Variants in SCN10A observed in about 807,000 individuals in gnomAD.
SCN10A encodes the protein sodium channel protein type 10 subunit alpha.
Under a neutral mutation model 170.7 loss-of-function variants are expected in SCN10A, and 162 were observed. The observed-to-expected ratio is 0.95, with a 90% confidence interval of 0.84 to 1.08. The LOEUF is 1.08. SCN10A is among the 50% of genes least tolerant of loss of function. The probability of loss-of-function intolerance (pLI) is 0.00; values close to 1 mark genes in which losing one functional copy is unlikely to be tolerated. For missense variants in SCN10A, 2,527 were observed against 2,436.9 expected (o/e 1.04, Z -0.78); for synonymous variants, 985 against 904.6 (o/e 1.09, Z -1.59).
chr3:38,710,055 G>T (rs1203812224), intron 24 of SCN10A, among the ~76,000 whole-genome samples: 1 of 152,190 alleles, frequency 6.6e-6, no homozygotes, highest in Non-Finnish European at 1.5e-5. Flanking sequence ...GCCTGCAGGT[G>T]AAATCAGAAG....
chr3:38,763,549 G>A lies in SCN10A; in HGVS notation c.647C>T (p.Thr216Ile). ...TTTTAATGCTCTAAGAACTCTGAAT[G>A]TCCGCAGGCCTGAGATCCCACGGAG... ...IDLRGISGLR[T>I]FRVLRALKTV... Residue 216 changes from threonine (T) to isoleucine (I), a missense_variant, in exon 6 of 28, where the codon ACA becomes ATA. By Grantham distance (89) the Thr-to-Ile change is moderately conservative (BLOSUM62 -1). Coordinates refer to ENST00000449082, the MANE Select transcript of SCN10A (RefSeq NM_006514.4). 2 of 1,614,104 alleles carry A rather than the reference G, an allele frequency of 1.2e-6. No homozygotes were observed. The highest frequency in any genetic ancestry group is 2.2e-5 in the South Asian group (2 of 91,072).
At chr3:38,755,677 G>T in intron 11 of SCN10A, 111 bp downstream of exon 11, 3 of 1,274,090 alleles carry the variant, frequency 2.4e-6, no homozygotes, top group African/African-American at 1.5e-5. Flanking sequence ...ATCCTTTTAG[G>T]CTCTATGCCT....
intron 1 of SCN10A, among the ~76,000 whole-genome samples, chr3:38,801,410 T>C (rs1048985184): frequency 1.3e-5 from 2 of 152,136 alleles, no homozygotes; most frequent in African/African-American, 4.8e-5. Flanking sequence ...CCAATGAAGG[T>C]CTGTGCTTAC....
intron 20 of SCN10A, among the ~76,000 whole-genome samples, chr3:38,719,757 G>A (rs1455256227): frequency 6.6e-6 from 1 of 152,186 alleles, no homozygotes; most frequent in Non-Finnish European, 1.5e-5. Context: ...AATTGGCAAT[G>A]TGACTCAGAG....
At chr3:38,792,014 T>C (rs1281593952) in intron 3 of SCN10A, 36 bp downstream of exon 3, 2 of 1,610,580 alleles carry the variant, frequency 1.2e-6, no homozygotes, top group South Asian at 1.1e-5. Context: ...AAGGTCTAAT[T>C]GTAACACGTG....
intron 23 of SCN10A, among the ~76,000 whole-genome samples, chr3:38,711,271 C>T (rs1338356782): frequency 6.6e-6 from 1 of 152,204 alleles, no homozygotes; most frequent in Admixed American, 6.5e-5. Flanking sequence ...ACCTTATGCA[C>T]ATGATGTAAG....
intron 15 of SCN10A, among the ~76,000 whole-genome samples, chr3:38,729,646 C>G (rs1248783306): frequency 6.6e-6 from 1 of 152,106 alleles, no homozygotes. Context: ...CTAAGTCCCA[C>G]AAGACAGCAA....
intron 14 of SCN10A, among the ~76,000 whole-genome samples, chr3:38,741,289 AACACACAC>A (rs60874265): frequency 0.065 from 9,594 of 146,734 alleles, 362 homozygotes; most frequent in East Asian, 0.11. Flanking sequence ...CGTGTGTTTG[AACACACAC>A]ACACACACAC....
intron 11 of SCN10A, among the ~76,000 whole-genome samples, chr3:38,753,651 T>G (rs2126024880): frequency 6.6e-6 from 1 of 152,286 alleles, no homozygotes; most frequent in South Asian, 2.1e-4. Context: ...TTCCAATTTT[T>G]GAAGCAAATG....
intron 26 of SCN10A, among the ~76,000 whole-genome samples, chr3:38,705,223 G>C (rs766015302): frequency 6.4e-4 from 98 of 152,202 alleles, no homozygotes; most frequent in Admixed American, 1.3e-3. Flanking sequence ...TGCGAAATTA[G>C]GGAACAAAGG....
intron 13 of SCN10A, 27 bp downstream of exon 13, chr3:38,750,046 A>G (rs2063731262): frequency 4.0e-6 from 5 of 1,262,480 alleles, no homozygotes; most frequent in South Asian, 1.2e-5. Context: ...GACACAGTGG[A>G]TGAACAATGC....
chr3:38,713,623 C>T (rs1007847018), intron 22 of SCN10A, among the ~76,000 whole-genome samples: 2 of 151,972 alleles, frequency 1.3e-5, no homozygotes, highest in East Asian at 1.9e-4. Context: ...GGTGGGGCCC[C>T]GGAGCTCAGG....
intron 27 of SCN10A, among the ~76,000 whole-genome samples, chr3:38,700,747 A>G (rs1029647885): frequency 1.3e-5 from 2 of 152,236 alleles, no homozygotes; most frequent in African/African-American, 2.4e-5. Flanking sequence ...GTTAAGTTGT[A>G]TTTAGATACT....
chr3:38,757,077 C>A lies in SCN10A; in HGVS notation c.1033G>T (p.Ala345Ser), dbSNP rs1203125052. Reference protein sequence around the residue: ...NYTSFDSFAWAFLSLFRLMTQ... With the variant: ...NYTSFDSFAWSFLSLFRLMTQ... ...ATGAGGCGGAACAGTGAGAGGAAAG[C>A]CCAAGCAAAGGAATCAAAGCTGGTG... The change falls in exon 9 of 28, where the codon GCT becomes TCT. Residue 345 changes from alanine (A) to serine (S), a missense_variant. By Grantham distance (99) the Ala-to-Ser change is moderately conservative. Coordinates refer to ENST00000449082, the MANE Select transcript of SCN10A (RefSeq NM_006514.4). 2 of 1,613,820 alleles carry A rather than the reference C, an allele frequency of 1.2e-6. No homozygotes were observed. Among genetic ancestry groups the A allele is most frequent in the Admixed American group, 1.7e-5 (1 of 59,964 alleles).
At chr3:38,746,598 G>T (rs1049542842) in intron 13 of SCN10A, among the ~76,000 whole-genome samples, 1 of 152,066 alleles carries the variant, frequency 6.6e-6, no homozygotes, top group African/African-American at 2.4e-5. Context: ...TGCAGTCTAG[G>T]AGTTTCTTGG....
At chr3:38,764,263 G>A (rs2063907638) in intron 5 of SCN10A, among the ~76,000 whole-genome samples, 1 of 152,070 alleles carries the variant, frequency 6.6e-6, no homozygotes. Flanking sequence ...GGTGGTGTTG[G>A]GTTGCACAGA....
intron 13 of SCN10A, among the ~76,000 whole-genome samples, chr3:38,748,313 G>A (rs1038794264): frequency 1.3e-5 from 2 of 152,136 alleles, no homozygotes; most frequent in Non-Finnish European, 2.9e-5. Flanking sequence ...AATTATCAAT[G>A]AGAAAAAATA....
intron 8 of SCN10A, 122 bp from the exon 9 acceptor site, chr3:38,757,281 AGC>A: frequency 6.7e-5 from 64 of 958,468 alleles, no homozygotes; most frequent in East Asian, 2.5e-4. Flanking sequence ...TCCTCTTATT[AGC>A]AGGATGATCT....
intron 5 of SCN10A, among the ~76,000 whole-genome samples, chr3:38,771,027 C>G (rs566709145): frequency 7.7e-4 from 118 of 152,288 alleles, no homozygotes; most frequent in African/African-American, 2.7e-3. Context: ...AGGTTTCCCC[C>G]CCTCACACTT....
Sources: allele counts gnomAD v4.1 joint callset (sites outside exome capture counted in the v4.1 genomes callset), GRCh38; gene constraint gnomAD v4.1.1; transcripts MANE v1.5; gene names NCBI Gene and HGNC (gene_info 2026-07-23, HGNC 2026-07-21).